Variants in ZNF592 observed in about 807,000 individuals in gnomAD.
The protein encoded by ZNF592 is spinocerebellar ataxia, autosomal recessive 5.
A neutral mutation model predicts 80.3 loss-of-function variants in ZNF592; 11 were observed. The observed-to-expected ratio is 0.14, with a 90% CI of 0.09 to 0.23. The LOEUF (loss-of-function observed/expected upper bound fraction) is 0.23. ZNF592 is among the 10% of genes least tolerant of loss of function. ZNF592 has a pLI of 1.00. For missense variants in ZNF592, 1,420 were observed against 1,633.9 expected (o/e 0.87, Z 2.26); for synonymous variants, 646 against 640.3 (o/e 1.01, Z -0.13).
chr15:84,772,925 A>T (rs1169906087), intron 2 of ZNF592, among the ~76,000 whole-genome samples: 1 of 152,136 alleles, frequency 6.6e-6, no homozygotes, highest in Non-Finnish European at 1.5e-5. Flanking sequence ...CTGAACTTTT[A>T]TTAATCTACT....
At chr15:84,777,987 C>G (rs781054938) in intron 2 of ZNF592, among the ~76,000 whole-genome samples, 196 bp from the exon 3 acceptor site, 1 of 152,060 alleles carries the variant, frequency 6.6e-6, no homozygotes, top group South Asian at 2.1e-4. Context: ...CGTGAGCCAC[C>G]GTGCCCGGCC....
intron 1 of ZNF592, among the ~76,000 whole-genome samples, chr15:84,762,749 T>C (rs1899388820): frequency 6.6e-6 from 1 of 152,208 alleles, no homozygotes; most frequent in African/African-American, 2.4e-5. Flanking sequence ...ATAACAGGAA[T>C]CTTCCACAGT....
chr15:84,782,626 T>A, intron 3 of ZNF592, 31 bp from the exon 4 acceptor site: 1 of 1,606,392 alleles, frequency 6.2e-7, no homozygotes, highest in Non-Finnish European at 8.5e-7. Context: ...ACCCTGGTGG[T>A]CACTGATTCT....
intron 3 of ZNF592, among the ~76,000 whole-genome samples, chr15:84,779,755 A>G (rs1346629912): frequency 1.3e-5 from 2 of 152,124 alleles, no homozygotes; most frequent in South Asian, 2.1e-4. Flanking sequence ...ACTTCTGACC[A>G]TTCTCAGTCA....
rs1962535173 is a variant in ZNF592, at chr15:84,784,633, T to C, written c.1958T>C (p.Val653Ala). ...GTCATGCAGTGTTCCCAGCTGCTGG[T>C]GAAGCCTATCTCTGCGGACCAAATG... The part of the protein sequence containing the change: ...GLVMQCSQLL[V>A]KPISADQMFV... The change falls in exon 4 of 11, where the codon GTG (valine) becomes GCG (alanine). Residue 653 changes from valine to alanine, a missense_variant. Val to Ala is a moderately conservative substitution (Grantham distance 64). Coordinates refer to ENST00000560079, the MANE Select transcript of ZNF592 (RefSeq NM_014630.3). The surrounding 1 kb of genome is among the most constrained non-coding windows in gnomAD (Gnocchi z 5.8). 5.6e-6 allele frequency: 9 copies of C among 1,614,042 alleles called. No individual in the cohort carries two copies. Among genetic ancestry groups the C allele is most frequent in the African/African-American group, 5.3e-5 (4 of 74,926 alleles).
intron 1 of ZNF592, among the ~76,000 whole-genome samples, chr15:84,754,297 G>C (rs1899099289): frequency 6.6e-6 from 1 of 152,176 alleles, no homozygotes; most frequent in African/African-American, 2.4e-5. Flanking sequence ...GGTGGCTCGT[G>C]CTTGTAATCC....
At chr15:84,779,984 G>GTTTTTTTTT (rs72491489) in intron 3 of ZNF592, among the ~76,000 whole-genome samples, 2 of 131,760 alleles carry the variant, frequency 1.5e-5, no homozygotes, top group Admixed American at 7.8e-5. Flanking sequence ...TTCCTAGACA[G>GTTTTTTTTT]TTTTGTTTTT....
At chr15:84,778,380 G>T in intron 3 of ZNF592, 68 bp downstream of exon 3, 1 of 160,280 alleles carries the variant, frequency 6.2e-6, no homozygotes. Flanking sequence ...GGTTTGACTA[G>T]GCATGTAATT....
chr15:84,774,694 G>A (rs1257332197), intron 2 of ZNF592, among the ~76,000 whole-genome samples: 1 of 151,942 alleles, frequency 6.6e-6, no homozygotes, highest in Non-Finnish European at 1.5e-5. Context: ...TTTTTGGTGG[G>A]ATCTTAGCAT....
rs1164685372 is a variant in ZNF592 at position 84,798,086 on chromosome 15, G to C, written c.2576+41G>C. The C allele has an allele frequency of 6.2e-7, 1 of 1,609,582 alleles. No individual in the cohort carries two copies. Among genetic ancestry groups the C allele is most frequent in the Admixed American group, 1.7e-5 (1 of 59,540 alleles). Reference sequence around the variant, plus strand: ...GGGCCAGCAGGCCCTGTGGAGCAGAGAGGAGTAGCCTGGGTGCTGTAGGGG... The same window carrying C: ...GGGCCAGCAGGCCCTGTGGAGCAGACAGGAGTAGCCTGGGTGCTGTAGGGG... On this transcript the variant is annotated intron_variant, in intron 6 of 10. Coordinates refer to ENST00000560079, the MANE Select transcript of ZNF592 (RefSeq NM_014630.3). This position sits in a 1 kb window ranked among gnomAD's most constrained non-coding sequence, Gnocchi z 4.5.
rs747303886 is a variant in ZNF592 at position 84,799,051 on chromosome 15, C to G, written c.3025-47C>G. 2 of 1,610,010 alleles carry G rather than the reference C, an allele frequency of 1.2e-6. No homozygotes were observed. Among genetic ancestry groups the G allele is most frequent in the East Asian group, 4.5e-5 (2 of 44,862 alleles). On this transcript the variant is annotated intron_variant, in intron 8 of 10. Coordinates refer to ENST00000560079, the MANE Select transcript of ZNF592 (RefSeq NM_014630.3). The surrounding 1 kb of genome is among the most constrained non-coding windows in gnomAD (Gnocchi z 4.2). Reference sequence around the variant, plus strand: ...TCTGAGAAGAAAAATGCACCCAGAACTATCTTACAGTTCTGATGCTTTGTG... The same window carrying G: ...TCTGAGAAGAAAAATGCACCCAGAAGTATCTTACAGTTCTGATGCTTTGTG...
At chr15:84,755,323 G>A (rs1263940008) in intron 1 of ZNF592, among the ~76,000 whole-genome samples, 2 of 151,470 alleles carry the variant, frequency 1.3e-5, no homozygotes, top group African/African-American at 4.9e-5. Flanking sequence ...TTTAAGAGAT[G>A]AGGTCTCTAT....
intron 1 of ZNF592, among the ~76,000 whole-genome samples, chr15:84,762,981 G>T (rs1899395808): frequency 1.3e-5 from 2 of 152,180 alleles, no homozygotes; most frequent in African/African-American, 4.8e-5. Flanking sequence ...ACTCTAAGTT[G>T]TGTCATCATT....
At chr15:84,762,353 G>T (rs1899377384) in intron 1 of ZNF592, among the ~76,000 whole-genome samples, 1 of 152,192 alleles carries the variant, frequency 6.6e-6, no homozygotes, top group Admixed American at 6.5e-5. Context: ...AGAAGTCAGA[G>T]AAATCTCATG....
chr15:84,765,009 C>T (rs1157185094), intron 2 of ZNF592, among the ~76,000 whole-genome samples, 194 bp downstream of exon 2: 4 of 152,120 alleles, frequency 2.6e-5, no homozygotes, highest in East Asian at 1.9e-4. Flanking sequence ...AGCATCACCA[C>T]TGTCCATCTC....
At chr15:84,759,956 C>T (rs377329754) in intron 1 of ZNF592, among the ~76,000 whole-genome samples, 17 of 34,626 alleles carry the variant, frequency 4.9e-4, no homozygotes, top group African/African-American at 2.2e-3. Flanking sequence ...GGGGAGATTC[C>T]CCCCCCCCCC....
chr15:84,797,829 T>C, intron 5 of ZNF592, 40 bp from the exon 6 acceptor site: 1 of 1,611,274 alleles, frequency 6.2e-7, no homozygotes, highest in Non-Finnish European at 8.5e-7. Context: ...CAGTACTCCC[T>C]ATACTCCACC....
At chr15:84,764,307 T>C (rs910615737) in intron 1 of ZNF592, among the ~76,000 whole-genome samples, 3 of 152,346 alleles carry the variant, frequency 2.0e-5, no homozygotes, top group African/African-American at 7.2e-5. Context: ...TTAACAAACA[T>C]GTATTTGCTA....
At chr15:84,788,776 C>CT (rs567624625) in intron 4 of ZNF592, among the ~76,000 whole-genome samples, 130 of 152,298 alleles carry the variant, frequency 8.5e-4, no homozygotes, top group African/African-American at 2.8e-3. Flanking sequence ...GGCAACCACC[C>CT]TTATGTTTTC....
Sources: gnomAD v4.1 joint callset for allele counts (sites outside exome capture counted in the v4.1 genomes callset) on GRCh38, gnomAD v4.1.1 for gene constraint, Gnocchi (gnomAD v3.1) non-coding constraint, MANE v1.5 for transcripts, NCBI Gene and HGNC (gene_info 2026-07-23, HGNC 2026-07-21) for gene names.